FBXW7: variants seen among roughly 807,000 people sequenced by gnomAD.
FBXW7 encodes F-box/WD repeat-containing protein 7.
Under a neutral mutation model 86.3 loss-of-function variants are expected in FBXW7, and 11 were observed. That is an observed-to-expected ratio of 0.13 (90% CI 0.08 to 0.21). FBXW7 has a LOEUF of 0.21. FBXW7 is among the 10% of genes least tolerant of loss of function. FBXW7 has a pLI of 1.00. For synonymous variants in FBXW7, 313 were observed against 297.9 expected (o/e 1.05, Z -0.52); for missense variants, 488 against 847.4 (o/e 0.58, Z 5.27).
At chr4:152,383,917 T>A (rs918808551) in intron 4 of FBXW7, among the ~76,000 whole-genome samples, 1 of 152,084 alleles carries the variant, frequency 6.6e-6, no homozygotes, top group Non-Finnish European at 1.5e-5. Context: ...AATAGGCACA[T>A]GAAAAGATGC....
intron 2 of FBXW7, among the ~76,000 whole-genome samples, chr4:152,516,296 G>A (rs7691079): frequency 5.4e-4 from 82 of 152,324 alleles, no homozygotes; most frequent in African/African-American, 1.8e-3. Context: ...GAGTATTATC[G>A]CCTGAGCTCC....
At chr4:152,440,934 G>GTT (rs766638263) in intron 2 of FBXW7, among the ~76,000 whole-genome samples, 2,046 of 145,456 alleles carry the variant, frequency 0.014, 21 homozygotes, top group Middle Eastern at 0.039. Flanking sequence ...AGTTTATACG[G>GTT]TTTTTTTTTT....
At chr4:152,324,979 A>T (rs1231396654) in intron 12 of FBXW7, 2 of 152,722 alleles carry the variant, frequency 1.3e-5, no homozygotes, top group East Asian at 3.8e-4. Flanking sequence ...GGCATTTTGA[A>T]ATCAAAAGCA....
At chr4:152,472,101 T>C (rs1430204361) in intron 2 of FBXW7, among the ~76,000 whole-genome samples, 1 of 152,068 alleles carries the variant, frequency 6.6e-6, no homozygotes, top group Admixed American at 6.6e-5. Context: ...GACATACTAC[T>C]ACCCTCCAAA....
chr4:152,376,098 C>T (rs561766193), intron 4 of FBXW7, among the ~76,000 whole-genome samples: 9 of 152,048 alleles, frequency 5.9e-5, no homozygotes, highest in African/African-American at 1.4e-4. Context: ...ATTTCTGACC[C>T]GTGAGATTAC....
intron 4 of FBXW7, among the ~76,000 whole-genome samples, chr4:152,358,005 C>G (rs1732566167): frequency 2.0e-5 from 3 of 152,080 alleles, no homozygotes; most frequent in Admixed American, 2.0e-4. Context: ...AATTTGACAA[C>G]AAAGTTAGCA....
At chr4:152,353,067 A>C in intron 4 of FBXW7, 1 of 1,040,138 alleles carries the variant, frequency 9.6e-7, no homozygotes, top group South Asian at 4.2e-5. Context: ...TATTTTGTAA[A>C]ACCTGCATTT....
At chr4:152,486,637 T>C (rs1745366135) in intron 2 of FBXW7, among the ~76,000 whole-genome samples, 1 of 152,126 alleles carries the variant, frequency 6.6e-6, no homozygotes, top group Admixed American at 6.6e-5. Flanking sequence ...TGTCATCTCC[T>C]ATAATAACAA....
At chr4:152,522,527 T>C (rs1275234593) in intron 2 of FBXW7, among the ~76,000 whole-genome samples, 2 of 152,162 alleles carry the variant, frequency 1.3e-5, no homozygotes, top group Non-Finnish European at 1.5e-5. Context: ...TTTCCCAATG[T>C]TGCTTGGCAG....
chr4:152,527,869 C>CAT (rs951953198), intron 2 of FBXW7, among the ~76,000 whole-genome samples: 1 of 143,566 alleles, frequency 7.0e-6, no homozygotes, highest in African/African-American at 2.8e-5. Context: ...ATTATATACA[C>CAT]ACACACACAC....
intron 2 of FBXW7, among the ~76,000 whole-genome samples, chr4:152,415,927 C>T (rs890001501): frequency 2.6e-5 from 4 of 152,024 alleles, no homozygotes; most frequent in Non-Finnish European, 1.5e-5. Flanking sequence ...TAAAATAATA[C>T]CCCCCAGCAT....
chr4:152,462,301 A>G (rs1325338245), intron 2 of FBXW7, among the ~76,000 whole-genome samples: 1 of 152,224 alleles, frequency 6.6e-6, no homozygotes. Flanking sequence ...TGGCCACGCA[A>G]ATTGCATGCA....
At chr4:152,464,266 C>T (rs998191411) in intron 2 of FBXW7, among the ~76,000 whole-genome samples, 3 of 152,102 alleles carry the variant, frequency 2.0e-5, no homozygotes, top group African/African-American at 7.2e-5. Flanking sequence ...AAGTAACGTA[C>T]TTTTCAAGAT....
chr4:152,424,578 G>T (rs767673942), intron 2 of FBXW7, among the ~76,000 whole-genome samples: 1 of 152,080 alleles, frequency 6.6e-6, no homozygotes, highest in Admixed American at 6.5e-5. Flanking sequence ...TGTTTTAAGC[G>T]CCTGGTGAGT....
At chr4:152,419,292 T>C (rs984628831) in intron 2 of FBXW7, among the ~76,000 whole-genome samples, 7 of 152,144 alleles carry the variant, frequency 4.6e-5, no homozygotes, top group Non-Finnish European at 7.4e-5. Context: ...ACATTTCTTA[T>C]AAGTTTATAA....
chr4:152,343,925 C>G (rs972286391), intron 6 of FBXW7, among the ~76,000 whole-genome samples: 4 of 151,894 alleles, frequency 2.6e-5, no homozygotes, highest in Admixed American at 2.6e-4. Flanking sequence ...TGTTCATACT[C>G]AATTTATAAA....
At chr4:152,414,494 G>C (rs946752599) in intron 2 of FBXW7, among the ~76,000 whole-genome samples, 1 of 152,030 alleles carries the variant, frequency 6.6e-6, no homozygotes, top group Non-Finnish European at 1.5e-5. Flanking sequence ...GACTATAAAA[G>C]TATCATTCGT....
intron 2 of FBXW7, among the ~76,000 whole-genome samples, chr4:152,426,313 A>AT (rs1486733446): frequency 1.3e-4 from 20 of 152,170 alleles, no homozygotes; most frequent in African/African-American, 4.6e-4. Context: ...AAGCAGAAGA[A>AT]TGAGGAAGAG....
chr4:152,421,002 G>T (rs887386770), intron 2 of FBXW7, among the ~76,000 whole-genome samples: 1 of 152,092 alleles, frequency 6.6e-6, no homozygotes, highest in Non-Finnish European at 1.5e-5. Context: ...GTCTTAGATG[G>T]CATCTTCCAA....
Sources: gnomAD v4.1 joint callset for allele counts (sites outside exome capture counted in the v4.1 genomes callset) on GRCh38, gnomAD v4.1.1 for gene constraint, MANE v1.5 for transcripts, NCBI Gene and HGNC (gene_info 2026-07-23, HGNC 2026-07-21) for gene names.